Variants in SLC30A8 observed in about 807,000 individuals in gnomAD.
SLC30A8 encodes the protein solute carrier family 30 member 8.
In SLC30A8, 27 loss-of-function variants were observed where a neutral mutation model predicts 36.9. That is an observed-to-expected ratio of 0.73 (90% CI 0.54 to 1.01). The LOEUF (loss-of-function observed/expected upper bound fraction) is 1.01, where lower values mean the gene tolerates loss of function less well. Ranked by LOEUF, SLC30A8 falls within the 50% of genes least tolerant of loss-of-function variation. The pLI, the probability that SLC30A8 is intolerant of heterozygous loss-of-function variation, is 0.00. For missense variants in SLC30A8, 439 were observed against 452.0 expected, an observed-to-expected ratio of 0.97 and a Z score of 0.26; for synonymous variants, 164 against 172.4, an observed-to-expected ratio of 0.95 and a Z score of 0.38.
Position 117,147,003 on chromosome 8 carries a change from A to C in SLC30A8, c.121A>C (p.Arg41=). 6.2e-7 allele frequency: 1 copy of C among 1,614,012 alleles called. No homozygotes were observed. The highest frequency in any genetic ancestry group is 8.5e-7 in the Non-Finnish European group (1 of 1,179,912). The change falls in exon 2 of 8, where the codon AGA becomes CGA. Residue 41 remains arginine (R), a synonymous_variant. Transcript: ENST00000456015. ...GAATAAAGATCAGTGTCCCAGAGAG[A>C]GACCAGAGGAGCTGGAGTCAGGAGG... ...PVNKDQCPRE[R]PEELESGGMY... is the part of the protein sequence containing the mutation.
intron 2 of SLC30A8, among the ~76,000 whole-genome samples, chr8:117,096,103 G>C (rs1254658749): frequency 6.6e-6 from 1 of 152,160 alleles, no homozygotes; most frequent in Non-Finnish European, 1.5e-5. Flanking sequence ...AGGAATTCTA[G>C]AAAGGAGAAA....
chr8:117,172,990 A>G lies in SLC30A8; in HGVS notation c.*309A>G, dbSNP rs1823469018. 2 of 293,492 alleles carry G rather than the reference A, an allele frequency of 6.8e-6. No homozygotes were observed. Among genetic ancestry groups the G allele is most frequent in the Non-Finnish European group, 1.3e-5 (2 of 157,914 alleles). The allele number at this position is 293,492 out of a possible 1,614,324, so 18.2% of individuals were successfully genotyped here. ...CAATACCAAATTCATCTCCCTTCCA[A>G]TAATGCATCTTGAGAACACATAGGT... On this transcript the variant is annotated 3_prime_UTR_variant, in exon 8 of 8. Coordinates refer to ENST00000456015, the MANE Select transcript of SLC30A8 (RefSeq NM_173851.3).
At chr8:117,014,637 A>G (rs1816452673) in intron 1 of SLC30A8, among the ~76,000 whole-genome samples, 1 of 152,180 alleles carries the variant, frequency 6.6e-6, no homozygotes. Context: ...TCCAGTTTTA[A>G]CTTACTGATG....
intron 1 of SLC30A8, among the ~76,000 whole-genome samples, chr8:116,988,601 T>C (rs973102956): frequency 1.3e-5 from 2 of 152,246 alleles, no homozygotes; most frequent in African/African-American, 2.4e-5. Context: ...TAATCCTTTT[T>C]AGATGATTTT....
chr8:117,016,693 A>G (rs1816530794), intron 1 of SLC30A8, among the ~76,000 whole-genome samples: 1 of 152,226 alleles, frequency 6.6e-6, no homozygotes, highest in African/African-American at 2.4e-5. Flanking sequence ...TCTGATGAAT[A>G]TACAAGGAGA....
Position 117,033,438 on chromosome 8 carries a change from A to C in SLC30A8, c.-265-5781A>C, listed in dbSNP as rs78186913. ...CAATAGGTAACTTCATAAAAACAGA[A>C]AGCAGATTGGTGGTTGCCAGACAGT... On this transcript the variant is annotated intron_variant, in intron 1 of 10. Coordinates refer to the SLC30A8 transcript ENST00000427715. Among the ~76,000 whole-genome samples the C allele has an allele frequency of 8.3e-3, 1,263 of 152,334 alleles. 22 individuals are homozygous for C. Among genetic ancestry groups the C allele is most frequent in the African/African-American group, 0.026 (1,093 of 41,572 alleles).
chr8:117,144,774 G>A (rs954674450), intron 1 of SLC30A8, among the ~76,000 whole-genome samples: 4 of 152,142 alleles, frequency 2.6e-5, no homozygotes, highest in Middle Eastern at 3.4e-3. Flanking sequence ...CCATTCTAGC[G>A]CTTCCCCACT....
chr8:117,097,428 A>AAAAT (rs1563593887), intron 2 of SLC30A8, among the ~76,000 whole-genome samples: 1 of 117,180 alleles, frequency 8.5e-6, no homozygotes, highest in African/African-American at 3.5e-5. Context: ...AATATATATA[A>AAAAT]ATATATATAA....
chr8:117,124,118 G>T (rs1820801319), intron 2 of SLC30A8, among the ~76,000 whole-genome samples: 1 of 152,108 alleles, frequency 6.6e-6, no homozygotes, highest in African/African-American at 2.4e-5. Flanking sequence ...TTTTCCAAAA[G>T]TAGTGCCTTT....
At chr8:116,977,141 C>CTTTTTTTTTTTTTTT (rs71305451) in intron 1 of SLC30A8, among the ~76,000 whole-genome samples, 6 of 59,106 alleles carry the variant, frequency 1.0e-4, no homozygotes, top group Admixed American at 3.0e-4. Context: ...CTTTTTCTTG[C>CTTTTTTTTTTTTTTT]TTTTTTTTTT....
At chr8:116,959,115 C>T (rs980800010) in intron 1 of SLC30A8, among the ~76,000 whole-genome samples, 42 of 152,068 alleles carry the variant, frequency 2.8e-4, no homozygotes, top group African/African-American at 9.9e-4. Flanking sequence ...TCCCAAAGTG[C>T]TGGGATTACA....
intron 3 of SLC30A8, among the ~76,000 whole-genome samples, chr8:117,153,377 G>A (rs977230819): frequency 6.6e-5 from 10 of 152,098 alleles, no homozygotes; most frequent in African/African-American, 2.4e-4. Context: ...CAGACATAAC[G>A]CAATTCATTA....
intron 2 of SLC30A8, among the ~76,000 whole-genome samples, chr8:117,053,530 C>T (rs999938932): frequency 1.3e-5 from 2 of 151,996 alleles, no homozygotes; most frequent in African/African-American, 4.8e-5. Flanking sequence ...TGTCTGAGCC[C>T]GAGCCCGAGC....
At chr8:117,135,453 C>T in intron 1 of SLC30A8, 55 bp downstream of exon 1, 1 of 1,392,292 alleles carries the variant, frequency 7.2e-7, no homozygotes, top group Non-Finnish European at 9.9e-7. Context: ...TCATCCAATT[C>T]CTATACCTTG....
chr8:117,041,128 CT>C (rs1229455841), intron 2 of SLC30A8, among the ~76,000 whole-genome samples: 24 of 152,180 alleles, frequency 1.6e-4, no homozygotes, highest in Non-Finnish European at 3.4e-4. Flanking sequence ...TTTTATTGCC[CT>C]GAAACTATGC....
chr8:117,076,057 CTCTT>C (rs1008149703), intron 2 of SLC30A8, among the ~76,000 whole-genome samples: 4 of 152,166 alleles, frequency 2.6e-5, no homozygotes, highest in African/African-American at 4.8e-5. Context: ...CTTCTTTTCT[CTCTT>C]TCTTTGGTAT....
intron 2 of SLC30A8, among the ~76,000 whole-genome samples, chr8:117,084,244 G>T (rs993755515): frequency 3.3e-5 from 5 of 152,086 alleles, no homozygotes; most frequent in African/African-American, 1.2e-4. Context: ...GCCTCTTATT[G>T]TCTTATACTT....
intron 2 of SLC30A8, among the ~76,000 whole-genome samples, chr8:117,093,387 GA>G (rs1819218623): frequency 6.6e-6 from 1 of 151,556 alleles, no homozygotes; most frequent in African/African-American, 2.4e-5. Context: ...AGCCAAATAA[GA>G]CTTAATAAGA....
upstream of SLC30A8, among the ~76,000 whole-genome samples, chr8:117,133,267 T>G (rs1821210410): frequency 6.6e-6 from 1 of 151,960 alleles, no homozygotes; most frequent in Non-Finnish European, 1.5e-5. Flanking sequence ...TCATTGTCTC[T>G]TTTCCCATCT....
Sources: gnomAD v4.1 joint callset for allele counts (sites outside exome capture counted in the v4.1 genomes callset) on GRCh38, gnomAD v4.1.1 for gene constraint, MANE v1.5 for transcripts, NCBI Gene and HGNC (gene_info 2026-07-23, HGNC 2026-07-21) for gene names.